STYK1: variants seen among roughly 807,000 people sequenced by gnomAD.
The protein encoded by STYK1 is STY kinase 1, also known as tyrosine-protein kinase STYK1.
In STYK1, 46 loss-of-function variants were observed where a neutral mutation model predicts 48.1. The ratio of observed to expected loss-of-function variants is 0.96; its 90% CI spans 0.75 to 1.22. The LOEUF (loss-of-function observed/expected upper bound fraction) is 1.22. STYK1 is among the 50% of genes most tolerant of loss of function. The pLI is 0.00. For synonymous variants in STYK1, 188 were observed against 189.0 expected, an observed-to-expected ratio of 0.99 and a Z score of 0.04; for missense variants, 527 against 521.1, an observed-to-expected ratio of 1.01 and a Z score of -0.11.
In STYK1 at chr12:10,659,845, T is replaced by C. The variant is rs543055430; in HGVS notation, c.-195+14121A>G. Among the ~76,000 whole-genome samples, 3 of 152,346 alleles carry C rather than the reference T, an allele frequency of 2.0e-5. No homozygotes were observed. In the East Asian group the frequency reaches 5.8e-4, roughly 29 times the overall value. On this transcript the variant is annotated intron_variant, in intron 1 of 10. Coordinates refer to ENST00000075503, the MANE Select transcript of STYK1 (RefSeq NM_018423.3). Reference sequence around the variant, plus strand: ...AATCAGTTCTATTATGATTTGTCTTTAGTAAAAATGAGGAGATAGAAAAAT... The same window carrying C: ...AATCAGTTCTATTATGATTTGTCTTCAGTAAAAATGAGGAGATAGAAAAAT...
intron 10 of STYK1, 65 bp downstream of exon 10, chr12:10,621,811 A>C: frequency 6.8e-7 from 1 of 1,473,292 alleles, no homozygotes; most frequent in East Asian, 2.3e-5. Context: ...TGAAAAGGGC[A>C]CGATTGATAG....
intron 1 of STYK1, among the ~76,000 whole-genome samples, chr12:10,660,746 C>T (rs148767065): frequency 7.2e-5 from 11 of 152,110 alleles, no homozygotes; most frequent in East Asian, 5.8e-4. Flanking sequence ...AATGTATTAG[C>T]GTGCTAAGAG....
intron 1 of STYK1, among the ~76,000 whole-genome samples, chr12:10,665,042 G>C (rs538701673): frequency 1.3e-5 from 2 of 152,176 alleles, no homozygotes; most frequent in African/African-American, 4.8e-5. Flanking sequence ...TAATTAGACT[G>C]TCCCTAAGTA....
intron 1 of STYK1, among the ~76,000 whole-genome samples, chr12:10,651,833 TACTTTTTTA>T: frequency 6.6e-6 from 1 of 152,012 alleles, no homozygotes; most frequent in African/African-American, 2.4e-5. Flanking sequence ...GCAATGTATC[TACTTTTTTA>T]AGTCTTAAAT....
At chr12:10,667,353 T>A (rs555236968) in intron 1 of STYK1, 1 of 152,298 alleles carries the variant, frequency 6.6e-6, no homozygotes, top group African/African-American at 2.4e-5. Flanking sequence ...CGTGGCTGAC[T>A]TCTGTAATCC....
rs577028165 is a variant in STYK1 at position 10,626,788 on chromosome 12, C to A, written c.717+853G>T. Among the ~76,000 whole-genome samples, 5 of 152,194 alleles carry A rather than the reference C, an allele frequency of 3.3e-5. No homozygotes were observed. The South Asian group carries it at 1.0e-3, about 32-fold the overall frequency. On this transcript the variant is annotated intron_variant, in intron 7 of 10. Transcript: ENST00000075503. ...TTGGGAGGCCGAGGCGCGCGGATCA[C>A]GAGGTCGGGAGATCGAGACCATCCT... is the stretch of plus-strand genomic sequence containing the variant.
At position 10,629,726 on chromosome 12, in the gene STYK1, G is replaced by C. The variant is rs1185973189; in HGVS notation, c.452-52C>G. The stretch of plus-strand genomic sequence containing the variant: ...TGAGCAGTCAGAGCATCCTCGATGA[G>C]TGGGAGGCAGGGAGCAGGAGGCAAC... On this transcript the variant is annotated intron_variant, in intron 5 of 10. Transcript: ENST00000075503. 3 of 1,606,342 alleles carry C rather than the reference G, an allele frequency of 1.9e-6. No individual in the cohort carries two copies. The African/African-American group carries it at 4.0e-5, about 21-fold the overall frequency.
intron 1 of STYK1, among the ~76,000 whole-genome samples, chr12:10,648,246 A>T (rs1947622335): frequency 6.6e-6 from 1 of 152,232 alleles, no homozygotes; most frequent in Non-Finnish European, 1.5e-5. Context: ...TTTTGGGAAA[A>T]AAGCTAGATG....
At chr12:10,626,577 T>A (rs1947361278) in intron 7 of STYK1, among the ~76,000 whole-genome samples, 1 of 152,202 alleles carries the variant, frequency 6.6e-6, no homozygotes, top group Non-Finnish European at 1.5e-5. Flanking sequence ...AACCCCGATT[T>A]TCCATAGCAA....
At chr12:10,630,785 A>T (rs1591679677) in intron 5 of STYK1, among the ~76,000 whole-genome samples, 5 of 152,116 alleles carry the variant, frequency 3.3e-5, no homozygotes, top group Admixed American at 3.3e-4. Context: ...CTAACATCTT[A>T]CTCATCATAA....
chr12:10,660,235 T>C (rs1183049203), intron 1 of STYK1, among the ~76,000 whole-genome samples: 1 of 152,206 alleles, frequency 6.6e-6, no homozygotes, highest in Non-Finnish European at 1.5e-5. Flanking sequence ...TTTTCTTAAA[T>C]TGAACACTTA....
chr12:10,671,643 C>A (rs1947893174), intron 1 of STYK1, among the ~76,000 whole-genome samples: 1 of 152,194 alleles, frequency 6.6e-6, no homozygotes, highest in Non-Finnish European at 1.5e-5. Flanking sequence ...ACCCCCAGAA[C>A]TGTAAGATAA....
At chr12:10,635,047 G>C (rs551074707) in intron 2 of STYK1, among the ~76,000 whole-genome samples, 1 of 152,066 alleles carries the variant, frequency 6.6e-6, no homozygotes, top group South Asian at 2.1e-4. Flanking sequence ...TGGGTTATGT[G>C]GGCATGATCT....
At chr12:10,627,746 G>T (rs1180740477) in intron 6 of STYK1, 22 bp from the exon 7 acceptor site, 3 of 1,585,470 alleles carry the variant, frequency 1.9e-6, no homozygotes, top group Non-Finnish European at 2.6e-6. Context: ...GGGAAAAAAA[G>T]CCATTATATC....
At chr12:10,668,179 AT>A (rs1351099081) in intron 1 of STYK1, among the ~76,000 whole-genome samples, 1 of 151,880 alleles carries the variant, frequency 6.6e-6, no homozygotes, top group African/African-American at 2.4e-5. Context: ...TCTACCCTCC[AT>A]TTTTCAAAAG....
chr12:10,620,298 G>A lies in STYK1; in HGVS notation c.1115C>T (p.Ser372Leu), dbSNP rs776571964. 2.4e-5 allele frequency: 38 copies of A among 1,613,746 alleles called. No homozygotes were observed. Among genetic ancestry groups the A allele is most frequent in the South Asian group, 9.9e-5 (9 of 91,062 alleles). The stretch of plus-strand genomic sequence containing the variant: ...TAGGCGCAAGCGCAGCTCTCTAGGT[G>A]AGGGGCGGTCAGCCTCACGCCAGCG... The part of the protein sequence containing the change: ...CWRWREADRP[S>L]PRELRLRLEA... Residue 372 changes from serine to leucine, a missense_variant, in exon 11 of 11, where the codon TCA becomes TTA. Ser to Leu is a moderately radical substitution (Grantham distance 145, BLOSUM62 -2). Transcript: ENST00000075503.
At chr12:10,646,819 C>T (rs2120719601) in intron 1 of STYK1, among the ~76,000 whole-genome samples, 1 of 152,340 alleles carries the variant, frequency 6.6e-6, no homozygotes, top group South Asian at 2.1e-4. Context: ...CCCTGTGTCC[C>T]AGCTGCTCCA....
At chr12:10,663,330 C>T (rs1947797049) in intron 1 of STYK1, among the ~76,000 whole-genome samples, 1 of 152,036 alleles carries the variant, frequency 6.6e-6, no homozygotes, top group Non-Finnish European at 1.5e-5. Flanking sequence ...ATCATTAAAA[C>T]TTACAGGCGC....
In STYK1 at chr12:10,631,854, C is replaced by A. The variant is rs16922668; in HGVS notation, c.188-546G>T. Among the ~76,000 whole-genome samples, 393 of 152,042 alleles carry A rather than the reference C, an allele frequency of 2.6e-3. 1 individual carries two copies. Among genetic ancestry groups the A allele is most frequent in the African/African-American group, 8.4e-3 (349 of 41,520 alleles). ...TTCTGGTACTCTCTCCTTCCCTTGG[C>A]CAGCAAAAAAGAGAGGTTCATCCTT... On this transcript the variant is annotated intron_variant, in intron 4 of 10. Transcript: ENST00000075503.
Sources: allele counts gnomAD v4.1 joint callset (sites outside exome capture counted in the v4.1 genomes callset), GRCh38; gene constraint gnomAD v4.1.1; transcripts MANE v1.5; gene names NCBI Gene and HGNC (gene_info 2026-07-23, HGNC 2026-07-21).